The following NEUROG1 variants were observed in gnomAD, a reference collection of about 807,000 sequenced individuals.
The protein encoded by NEUROG1 is neurogenin-1.
Under a neutral mutation model 5.7 loss-of-function variants are expected in NEUROG1, and 5 were observed. The observed-to-expected ratio is 0.88, with a 90% CI of 0.46 to 1.85. The LOEUF is 1.85. Ranked by LOEUF, NEUROG1 falls within the 40% of genes most tolerant of loss-of-function variation. The pLI is 0.01. For synonymous variants in NEUROG1, 196 were observed against 157.4 expected (o/e 1.25, Z -1.84); for missense variants, 403 against 345.7 (o/e 1.17, Z -1.32).
rs542575544 is a variant in NEUROG1 at position 135,535,607 on chromosome 5, G to T, written c.84C>A (p.Asp28Glu). 1.3e-6 allele frequency: 2 copies of T among 1,595,468 alleles called. No homozygotes were observed. The highest frequency in any genetic ancestry group is 8.5e-7 in the Non-Finnish European group (1 of 1,176,538). The change falls in exon 1 of 1, where the codon GAC becomes GAA. Residue 28 changes from aspartate (D) to glutamate (E), a missense_variant. Coordinates refer to ENST00000314744, the MANE Select transcript of NEUROG1 (RefSeq NM_006161.3). ...SGSDLSGFLT[D>E]EEDCARLQQA... Reference sequence around the variant, plus strand: ...GTTGGAGTCTGGCACAGTCTTCCTCGTCGGTGAGGAAGCCGGATAGGTCAC... The same window carrying T: ...GTTGGAGTCTGGCACAGTCTTCCTCTTCGGTGAGGAAGCCGGATAGGTCAC...
rs1269553502 is a variant in NEUROG1, at chr5:135,534,811, C to T, written c.*166G>A. The T allele has an allele frequency of 5.9e-6, 4 of 673,670 alleles. No homozygotes were observed. The highest frequency in any genetic ancestry group is 5.7e-5 in the African/African-American group (3 of 52,612). The allele number at this position is 673,670 out of a possible 1,614,324, so 41.7% of individuals were successfully genotyped here. On this transcript the variant is annotated 3_prime_UTR_variant, in exon 1 of 1. Coordinates refer to ENST00000314744, the MANE Select transcript of NEUROG1 (RefSeq NM_006161.3). ...CCGGAGAAACAGACCAAGAGACATC[C>T]GCCGCGAGGGTGCGGCGACCTAACA...
rs781650562 is a variant in NEUROG1, at chr5:135,535,715, A to T, written c.-25T>A. ...TCGTTGCGCTGTGCAGGACCGACGGACAGATAGAAAGGCGCTCAGAGCGCT... is the reference window on the plus strand; with the variant it reads ...TCGTTGCGCTGTGCAGGACCGACGGTCAGATAGAAAGGCGCTCAGAGCGCT... On this transcript the variant is annotated 5_prime_UTR_variant, in exon 1 of 1. Coordinates refer to ENST00000314744, the MANE Select transcript of NEUROG1 (RefSeq NM_006161.3). The T allele has an allele frequency of 4.0e-6, 6 of 1,497,048 alleles. No homozygotes were observed. The highest frequency in any genetic ancestry group is 5.3e-6 in the Non-Finnish European group (6 of 1,127,360). 92.7% of individuals were successfully genotyped at this position (1,497,048 alleles called of 1,614,324 possible). A position where few individuals can be genotyped will look rare whatever the true frequency, so the allele number is the denominator to read the frequency against.
Position 135,535,517 on chromosome 5 carries a change from C to G in NEUROG1, c.174G>C (p.Ala58=). The G allele has an allele frequency of 1.3e-6, 2 of 1,574,870 alleles. No individual in the cohort carries two copies. Among genetic ancestry groups the G allele is most frequent in the Non-Finnish European group, 1.7e-6 (2 of 1,167,446 alleles). The change falls in exon 1 of 1, where the codon GCG becomes GCC. Residue 58 remains alanine, a synonymous_variant. Coordinates refer to ENST00000314744, the MANE Select transcript of NEUROG1 (RefSeq NM_006161.3). ...ARRGAPNISR[A]SEVPGAQDDE... ...CGTCCTGTGCCCCTGGAACCTCAGA[C>G]GCCCGGGAGATATTGGGCGCGCCCC...
chr5:135,535,562 C>T lies in NEUROG1; in HGVS notation c.129G>A (p.Gly43=). 1 of 1,576,988 alleles carries T rather than the reference C, an allele frequency of 6.3e-7. No individual in the cohort carries two copies. The highest frequency in any genetic ancestry group is 8.6e-7 in the Non-Finnish European group (1 of 1,168,188). ...CGCCCCTGCGGGCCGGCGCGGGCGGCCCCGAAGCGGAGGCTGCCTGTTGGA... is the reference window on the plus strand; with the variant it reads ...CGCCCCTGCGGGCCGGCGCGGGCGGTCCCGAAGCGGAGGCTGCCTGTTGGA... ...ARLQQAASAS[G]PPAPARRGAP... is the part of the protein sequence containing the mutation. Residue 43 remains glycine (G), a synonymous_variant, in exon 1 of 1, where the codon GGG becomes GGA. Transcript: ENST00000314744.
rs1222753232 is a variant in NEUROG1 at position 135,534,525 on chromosome 5, T to A, written c.*452A>T. On this transcript the variant is annotated 3_prime_UTR_variant, in exon 1 of 1. Transcript: ENST00000314744. ...TAATGCATGAAGCCCACTCCTTGTC[T>A]CTGCTTTTTAAGCCTTTTCATTGTA... The A allele has an allele frequency of 3.1e-5, 5 of 162,502 alleles. No individual in the cohort carries two copies. The highest frequency in any genetic ancestry group is 6.7e-5 in the Non-Finnish European group (5 of 74,308). The allele number at this position is 162,502 out of a possible 1,614,324, so 10.1% of individuals were successfully genotyped here.
rs1400153024 is a variant in NEUROG1 at position 135,534,946 on chromosome 5, G to A, written c.*31C>T. 5 of 1,598,536 alleles carry A rather than the reference G, an allele frequency of 3.1e-6. No homozygotes were observed. The African/African-American group carries it at 4.1e-5, about 13-fold the overall frequency. On this transcript the variant is annotated 3_prime_UTR_variant, in exon 1 of 1. Coordinates refer to ENST00000314744, the MANE Select transcript of NEUROG1 (RefSeq NM_006161.3). Reference sequence around the variant, plus strand: ...CCCATCTATTGCCTGCTGACTAGGGGAGGGGGAAAGTAACAGTGTCTACAA... The same window carrying A: ...CCCATCTATTGCCTGCTGACTAGGGAAGGGGGAAAGTAACAGTGTCTACAA...
Position 135,535,457 on chromosome 5 carries a change from C to G in NEUROG1, c.234G>C (p.Thr78=). The G allele has an allele frequency of 6.4e-7, 1 of 1,566,874 alleles. No homozygotes were observed. The highest frequency in any genetic ancestry group is 8.6e-7 in the Non-Finnish European group (1 of 1,160,800). ...GCAGCAGCGCCTCGGAGCGGACCCGCGTCCGGCCGCGGCGCCGCCGCCTCT... is the reference window on the plus strand; with the variant it reads ...GCAGCAGCGCCTCGGAGCGGACCCGGGTCCGGCCGCGGCGCCGCCGCCTCT... The part of the protein sequence containing the change: ...EQERRRRRGR[T]RVRSEALLHS... The change falls in exon 1 of 1, where the codon ACG becomes ACC. Residue 78 remains threonine, a synonymous_variant. Transcript: ENST00000314744.
rs1750495098 is a variant in NEUROG1, at chr5:135,534,737, A to G, written c.*240T>C. On this transcript the variant is annotated 3_prime_UTR_variant, in exon 1 of 1. Transcript: ENST00000314744. ...AGGTTTTGTGGAGTTCAGAAAGTGC[A>G]AAAGGAAAGGCCGTCTAGGGGCGGG... The G allele has an allele frequency of 1.9e-6, 1 of 536,414 alleles. No homozygotes were observed. Among genetic ancestry groups the G allele is most frequent in the Non-Finnish European group, 3.3e-6 (1 of 306,890 alleles). The allele number at this position is 536,414 out of a possible 1,614,324, so 33.2% of individuals were successfully genotyped here.
chr5:135,535,697 G>T lies in NEUROG1; in HGVS notation c.-7C>A. The T allele has an allele frequency of 1.3e-6, 2 of 1,550,058 alleles. No homozygotes were observed. Among genetic ancestry groups the T allele is most frequent in the South Asian group, 2.5e-5 (2 of 80,448 alleles). Reference sequence around the variant, plus strand: ...TCTCAAGGCGGGCTGGCATCGTTGCGCTGTGCAGGACCGACGGACAGATAG... The same window carrying T: ...TCTCAAGGCGGGCTGGCATCGTTGCTCTGTGCAGGACCGACGGACAGATAG... On this transcript the variant is annotated 5_prime_UTR_variant, in exon 1 of 1. Transcript: ENST00000314744.
rs952129031 is a variant in NEUROG1 at position 135,535,895 on chromosome 5, A to T, written c.-205T>A. ...CCTCCTCGCCTCGCCTGCAGGGGCC[A>T]CGCGCCCGGCCGGTCTCCTGAGTGA... is the stretch of plus-strand genomic sequence containing the variant. On this transcript the variant is annotated 5_prime_UTR_variant, in exon 1 of 1. Coordinates refer to ENST00000314744, the MANE Select transcript of NEUROG1 (RefSeq NM_006161.3). The T allele has an allele frequency of 2.1e-6, 1 of 474,600 alleles. No individual in the cohort carries two copies. The highest frequency in any genetic ancestry group is 3.7e-6 in the Non-Finnish European group (1 of 270,246). 29.4% of individuals were successfully genotyped at this position (474,600 alleles called of 1,614,324 possible). A position where few individuals can be genotyped will look rare whatever the true frequency, so the allele number is the denominator to read the frequency against.
chr5:135,535,584 T>G lies in NEUROG1; in HGVS notation c.107A>C (p.Gln36Pro). 6.3e-7 allele frequency: 1 copy of G among 1,590,760 alleles called. No homozygotes were observed. The highest frequency in any genetic ancestry group is 8.5e-7 in the Non-Finnish European group (1 of 1,174,762). Residue 36 changes from glutamine to proline, a missense_variant, in exon 1 of 1, where the codon CAA (glutamine) becomes CCA (proline). Coordinates refer to ENST00000314744, the MANE Select transcript of NEUROG1 (RefSeq NM_006161.3). ...LTDEEDCARL[Q>P]QAASASGPPA... is the part of the protein sequence containing the mutation. ...CGGCCCCGAAGCGGAGGCTGCCTGT[T>G]GGAGTCTGGCACAGTCTTCCTCGTC...
Position 135,535,584 on chromosome 5 carries a change from T to C in NEUROG1, c.107A>G (p.Gln36Arg). 3 of 1,590,760 alleles carry C rather than the reference T, an allele frequency of 1.9e-6. No individual in the cohort carries two copies. The South Asian group carries it at 3.4e-5, about 18-fold the overall frequency. The part of the protein sequence containing the change: ...LTDEEDCARL[Q>R]QAASASGPPA... ...CGGCCCCGAAGCGGAGGCTGCCTGT[T>C]GGAGTCTGGCACAGTCTTCCTCGTC... is the stretch of plus-strand genomic sequence containing the variant. The change falls in exon 1 of 1, where the codon CAA becomes CGA. Residue 36 changes from glutamine (Q) to arginine (R), a missense_variant. Physicochemically the swap from Gln to Arg is conservative, Grantham distance 43. Coordinates refer to ENST00000314744, the MANE Select transcript of NEUROG1 (RefSeq NM_006161.3).
Position 135,535,339 on chromosome 5 carries a change from C to T in NEUROG1, c.352G>A (p.Val118Met), listed in dbSNP as rs752066500. The change falls in exon 1 of 1, where the codon GTG (valine) becomes ATG (methionine). Residue 118 changes from valine to methionine, a missense_variant. Coordinates refer to ENST00000314744, the MANE Select transcript of NEUROG1 (RefSeq NM_006161.3). ...LNAALDALRS[V>M]LPSFPDDTKL... ...GTGTCGTCGGGGAACGAGGGCAGCA[C>T]GCTGCGCAGTGCGTCCAGGGCCGCG... 2.5e-6 allele frequency: 4 copies of T among 1,613,442 alleles called. No individual in the cohort carries two copies. In the East Asian group the frequency reaches 6.7e-5, roughly 27 times the overall value.
Position 135,535,557 on chromosome 5 carries a change from G to A in NEUROG1, c.134C>T (p.Pro45Leu), listed in dbSNP as rs748684392. ...LQQAASASGP[P>L]APARRGAPNI... ...GGGCGCGCCCCTGCGGGCCGGCGCG[G>A]GCGGCCCCGAAGCGGAGGCTGCCTG... The change falls in exon 1 of 1, where the codon CCC becomes CTC. Residue 45 changes from proline to leucine, a missense_variant. Pro to Leu is a moderately conservative substitution (Grantham distance 98). Coordinates refer to ENST00000314744, the MANE Select transcript of NEUROG1 (RefSeq NM_006161.3). 6.4e-6 allele frequency: 10 copies of A among 1,573,998 alleles called. No individual in the cohort carries two copies. In the Admixed American group the frequency reaches 1.3e-4, roughly 20 times the overall value.
chr5:135,535,757 G>A lies in NEUROG1; in HGVS notation c.-67C>T, dbSNP rs548970471. The stretch of plus-strand genomic sequence containing the variant: ...CAGAGCGCTGCAGCCCGGACTGAGG[G>A]CAGAGCCGCCAGGGCGCACTTACGT... On this transcript the variant is annotated 5_prime_UTR_variant, in exon 1 of 1. Coordinates refer to ENST00000314744, the MANE Select transcript of NEUROG1 (RefSeq NM_006161.3). 2 of 1,395,010 alleles carry A rather than the reference G, an allele frequency of 1.4e-6. No homozygotes were observed. The highest frequency in any genetic ancestry group is 2.7e-5 in the Admixed American group (1 of 37,384). The allele number at this position is 1,395,010 out of a possible 1,614,324, so 86.4% of individuals were successfully genotyped here.
rs777070098 is a variant in NEUROG1 at position 135,535,209 on chromosome 5, C to G, written c.482G>C (p.Arg161Pro). 12 of 1,610,994 alleles carry G rather than the reference C, an allele frequency of 7.4e-6. No homozygotes were observed. The highest frequency in any genetic ancestry group is 1.3e-5 in the African/African-American group (1 of 74,748). Residue 161 changes from arginine to proline, a missense_variant, in exon 1 of 1, where the codon CGG becomes CCG. Transcript: ENST00000314744. ...ADQGLPGGGA[R>P]ERLLPPQCVP... is the part of the protein sequence containing the mutation. ...GCACTGCGGCGGCAGGAGGCGCTCC[C>G]GGGCACCGCCTCCGGGCAGCCCTTG...
Position 135,535,739 on chromosome 5 carries a change from C to G in NEUROG1, c.-49G>C, listed in dbSNP as rs1453659649. On this transcript the variant is annotated 5_prime_UTR_variant, in exon 1 of 1. Transcript: ENST00000314744. ...GACAGATAGAAAGGCGCTCAGAGCG[C>G]TGCAGCCCGGACTGAGGGCAGAGCC... 6.8e-7 allele frequency: 1 copy of G among 1,468,606 alleles called. No homozygotes were observed. Among genetic ancestry groups the G allele is most frequent in the Non-Finnish European group, 9.0e-7 (1 of 1,108,064 alleles). 91.0% of individuals were successfully genotyped at this position (1,468,606 alleles called of 1,614,324 possible). A position where few individuals can be genotyped will look rare whatever the true frequency, so the allele number is the denominator to read the frequency against.
chr5:135,534,859 G>T lies in NEUROG1; in HGVS notation c.*118C>A. 9.5e-7 allele frequency: 1 copy of T among 1,052,856 alleles called. No homozygotes were observed. Among genetic ancestry groups the T allele is most frequent in the Non-Finnish European group, 1.4e-6 (1 of 733,864 alleles). 65.2% of individuals were successfully genotyped at this position (1,052,856 alleles called of 1,614,324 possible). A position where few individuals can be genotyped will look rare whatever the true frequency, so the allele number is the denominator to read the frequency against. On this transcript the variant is annotated 3_prime_UTR_variant, in exon 1 of 1. Coordinates refer to ENST00000314744, the MANE Select transcript of NEUROG1 (RefSeq NM_006161.3). ...ACAAGCGGCTCAGGTATCCCCGACT[G>T]CTTTAAAGCTCCCGCTTCCTCCCTC...
chr5:135,535,671 G>T lies in NEUROG1; in HGVS notation c.20C>A (p.Thr7Asn). The T allele has an allele frequency of 6.4e-7, 1 of 1,567,810 alleles. No individual in the cohort carries two copies. Among genetic ancestry groups the T allele is most frequent in the Non-Finnish European group, 8.6e-7 (1 of 1,161,520 alleles). Reference sequence around the variant, plus strand: ...GGCGCAGTCGAGGTCGGAGATGCAGGTCTCAAGGCGGGCTGGCATCGTTGC... The same window carrying T: ...GGCGCAGTCGAGGTCGGAGATGCAGTTCTCAAGGCGGGCTGGCATCGTTGC... MPARLE[T>N]CISDLDCASS... The change falls in exon 1 of 1, where the codon ACC (threonine) becomes AAC (asparagine). Residue 7 changes from threonine to asparagine, a missense_variant. Coordinates refer to ENST00000314744, the MANE Select transcript of NEUROG1 (RefSeq NM_006161.3).
Sources: gnomAD v4.1 joint callset for allele counts on GRCh38, gnomAD v4.1.1 for gene constraint, MANE v1.5 for transcripts, NCBI Gene and HGNC (gene_info 2026-07-23, HGNC 2026-07-21) for gene names.